Variants in FAAP100 observed in about 807,000 individuals in gnomAD.
FAAP100 encodes FA core complex associated protein 100.
In FAAP100, 46 loss-of-function variants were observed where a neutral mutation model predicts 65.8. The ratio of observed to expected loss-of-function variants is 0.70; its 90% CI spans 0.55 to 0.89. FAAP100 has a LOEUF of 0.89. FAAP100 is among the 40% of genes least tolerant of loss of function. The probability of loss-of-function intolerance (pLI) is 0.00; values close to 1 mark genes in which losing one functional copy is unlikely to be tolerated. For missense variants in FAAP100, 1,165 were observed against 1,196.7 expected, an observed-to-expected ratio of 0.97 and a Z score of 0.39; for synonymous variants, 663 against 555.1, an observed-to-expected ratio of 1.19 and a Z score of -2.73.
In FAAP100 at chr17:81,540,798, C is replaced by T; in HGVS notation, c.*21G>A. The stretch of plus-strand genomic sequence containing the variant: ...ACAGAGGCTGGAAGCGTGGCCAGAG[C>T]CCAGGGGCAGGCCCGCCTGGTCACA... On this transcript the variant is annotated 3_prime_UTR_variant, in exon 9 of 9. Transcript: ENST00000327787. 1 of 1,500,046 alleles carries T rather than the reference C, an allele frequency of 6.7e-7. No individual in the cohort carries two copies. The highest frequency in any genetic ancestry group is 8.9e-7 in the Non-Finnish European group (1 of 1,123,478). The allele number at this position is 1,500,046 out of a possible 1,614,324, so 92.9% of individuals were successfully genotyped here.
chr17:81,542,904 G>A (rs1020495403), intron 7 of FAAP100, among the ~76,000 whole-genome samples: 1 of 152,226 alleles, frequency 6.6e-6, no homozygotes, highest in Non-Finnish European at 1.5e-5. Context: ...AGTTTCCTCT[G>A]ACAGGCAACA....
chr17:81,541,266 G>T, intron 8 of FAAP100, 43 bp downstream of exon 8: 1 of 1,560,830 alleles, frequency 6.4e-7, no homozygotes, highest in Non-Finnish European at 8.8e-7. Context: ...GGCGCTCCTG[G>T]CTACCCAGGG....
intron 5 of FAAP100, chr17:81,546,349 G>A (rs866987992): frequency 1.2e-5 from 2 of 165,252 alleles, no homozygotes; most frequent in African/African-American, 2.4e-5. Context: ...GGGAGCAAAG[G>A]ACAGACACAA....
In FAAP100 at chr17:81,547,313, C is replaced by A. The variant is rs1222229024; in HGVS notation, c.1769G>T (p.Gly590Val). The change falls in exon 5 of 9, where the codon GGC becomes GTC. Residue 590 changes from glycine to valine, a missense_variant. Physicochemically the swap from Gly to Val is moderately radical, Grantham distance 109. Transcript: ENST00000327787. ...VTLPLGPGEN[G>V]GLDLPVTVSC... ...CACGGTCACGGGCAGGTCGAGCCCG[C>A]CGTTCTCACCAGGGCCCAGGGGTAG... The A allele has an allele frequency of 1.2e-6, 2 of 1,612,376 alleles. No individual in the cohort carries two copies. Among genetic ancestry groups the A allele is most frequent in the Non-Finnish European group, 1.7e-6 (2 of 1,179,794 alleles).
In FAAP100 at chr17:81,551,191, C is replaced by A; in HGVS notation, c.303G>T (p.Gln101His). The change falls in exon 3 of 9, where the codon CAG (glutamine) becomes CAT (histidine). Residue 101 changes from glutamine to histidine, a missense_variant. Physicochemically the swap from Gln to His is conservative, Grantham distance 24. Coordinates refer to ENST00000327787, the MANE Select transcript of FAAP100 (RefSeq NM_025161.6). ...DHPGRSRSTSQDDRDSEDGDQ... is the reference protein window; with the variant it reads ...DHPGRSRSTSHDDRDSEDGDQ... ...CACCGTCCTCGCTGTCCCTGTCATC[C>A]TGGCTCGTAGACCTTTGAGAACAGG... 1 of 1,523,998 alleles carries A rather than the reference C, an allele frequency of 6.6e-7. No homozygotes were observed. Among genetic ancestry groups the A allele is most frequent in the Non-Finnish European group, 8.9e-7 (1 of 1,129,308 alleles). 94.4% of individuals were successfully genotyped at this position (1,523,998 alleles called of 1,614,324 possible).
rs887024384 is a variant in FAAP100, at chr17:81,540,809, G to C, written c.*10C>G. 20 of 1,509,690 alleles carry C rather than the reference G, an allele frequency of 1.3e-5. No individual in the cohort carries two copies. Among genetic ancestry groups the C allele is most frequent in the Middle Eastern group, 3.8e-4 (2 of 5,256 alleles). The allele number at this position is 1,509,690 out of a possible 1,614,324, so 93.5% of individuals were successfully genotyped here. On this transcript the variant is annotated 3_prime_UTR_variant, in exon 9 of 9. Transcript: ENST00000327787. ...AAGCGTGGCCAGAGCCCAGGGGCAGGCCCGCCTGGTCACAGCAGGATGAGG... is the reference window on the plus strand; with the variant it reads ...AAGCGTGGCCAGAGCCCAGGGGCAGCCCCGCCTGGTCACAGCAGGATGAGG...
Position 81,552,262 on chromosome 17 carries a change from C to T in FAAP100, c.69G>A (p.Ala23=), listed in dbSNP as rs1217604197. The T allele has an allele frequency of 2.7e-6, 4 of 1,479,112 alleles. No homozygotes were observed. The East Asian group carries it at 8.9e-5, about 33-fold the overall frequency. The allele number at this position is 1,479,112 out of a possible 1,614,324, so 91.6% of individuals were successfully genotyped here. A position where few individuals can be genotyped will look rare whatever the true frequency, so the allele number is the denominator to read the frequency against. Residue 23 remains alanine (A), a synonymous_variant, in exon 1 of 9, where the codon GCG becomes GCA. Coordinates refer to ENST00000327787, the MANE Select transcript of FAAP100 (RefSeq NM_025161.6). The part of the protein sequence containing the change: ...GFCCPLGGLA[A]GKPRVLCHEA... Reference sequence around the variant, plus strand: ...CATGGCACAGCACGCGGGGCTTGCCCGCCGCCAGGCCCCCGAGAGGGCAGC... The same window carrying T: ...CATGGCACAGCACGCGGGGCTTGCCTGCCGCCAGGCCCCCGAGAGGGCAGC...
chr17:81,552,177 C>A lies in FAAP100; in HGVS notation c.154G>T (p.Gly52Trp). The A allele has an allele frequency of 5.3e-6, 8 of 1,496,350 alleles. No individual in the cohort carries two copies. Among genetic ancestry groups the A allele is most frequent in the Non-Finnish European group, 7.1e-6 (8 of 1,129,860 alleles). The allele number at this position is 1,496,350 out of a possible 1,614,324, so 92.7% of individuals were successfully genotyped here. ...ELVYVYDQEG[G>W]LLTAAFRFPD... ...GGGCCGGCGCTCACGGTCAGCAGCCCGCCCTCCTGGTCGTACACGTAGACG... is the reference window on the plus strand; with the variant it reads ...GGGCCGGCGCTCACGGTCAGCAGCCAGCCCTCCTGGTCGTACACGTAGACG... Residue 52 changes from glycine (G) to tryptophan (W), a missense_variant, in exon 1 of 9, where the codon GGG (glycine) becomes TGG (tryptophan). Gly to Trp is a radical substitution (Grantham distance 184, BLOSUM62 -2). Coordinates refer to ENST00000327787, the MANE Select transcript of FAAP100 (RefSeq NM_025161.6).
intron 8 of FAAP100, 32 bp from the exon 9 acceptor site, chr17:81,540,982 C>A: frequency 6.5e-7 from 1 of 1,541,836 alleles, no homozygotes; most frequent in Non-Finnish European, 8.7e-7. Context: ...CTCAGGCCCC[C>A]CACCTGGCCC....
At position 81,540,117 on chromosome 17, in the gene FAAP100, G is replaced by GT. The variant is rs1195122452; in HGVS notation, c.*701dup. ...GCCACCCTGAGTGGCCCTGAAAATA[G>GT]TGCACAGTGCTGGGTACTGCCCCGG... is the stretch of plus-strand genomic sequence containing the variant. On this transcript the variant is annotated 3_prime_UTR_variant, in exon 9 of 9. Transcript: ENST00000327787. 1 of 398,472 alleles carries GT rather than the reference G, an allele frequency of 2.5e-6. No individual in the cohort carries two copies. Among genetic ancestry groups the GT allele is most frequent in the Non-Finnish European group, 4.4e-6 (1 of 225,940 alleles). 24.7% of individuals were successfully genotyped at this position (398,472 alleles called of 1,614,324 possible).
chr17:81,542,321 G>A (rs1336196644), intron 7 of FAAP100, among the ~76,000 whole-genome samples: 1 of 150,508 alleles, frequency 6.6e-6, no homozygotes, highest in Admixed American at 6.6e-5. Context: ...GAGGCAGAGG[G>A]TGCGGTGAGC....
rs1470538985 is a variant in FAAP100, at chr17:81,550,219, C to T, written c.1246+29G>A. 4 of 1,549,832 alleles carry T rather than the reference C, an allele frequency of 2.6e-6. No homozygotes were observed. The African/African-American group carries it at 5.5e-5, about 21-fold the overall frequency. The stretch of plus-strand genomic sequence containing the variant: ...AAAAGGGTGCTCCACCCTGGGCTCC[C>T]ATCTTTCATTTTAGACAGCAGCTCA... On this transcript the variant is annotated intron_variant, in intron 3 of 8. Transcript: ENST00000327787.
At position 81,549,210 on chromosome 17, in the gene FAAP100, C is replaced by T. The variant is rs2033409446; in HGVS notation, c.1399G>A (p.Glu467Lys). 6.2e-7 allele frequency: 1 copy of T among 1,612,320 alleles called. No homozygotes were observed. The highest frequency in any genetic ancestry group is 8.5e-7 in the Non-Finnish European group (1 of 1,179,938). ...ELLSGIGNIS[E>K]RVSFLKKAVD... ...GGTCCGAGCTGAGCTGCTCACCTCT[C>T]AGAGATGTTGCCAATTCCAGACAGC... The change falls in exon 4 of 9, where the codon GAG becomes AAG. Residue 467 changes from glutamate (E) to lysine (K), a missense_variant. Glu to Lys is a moderately conservative substitution (Grantham distance 56, BLOSUM62 1). Coordinates refer to ENST00000327787, the MANE Select transcript of FAAP100 (RefSeq NM_025161.6).
chr17:81,551,958 C>A lies in FAAP100; in HGVS notation c.260G>T (p.Cys87Phe). The A allele has an allele frequency of 1.3e-6, 2 of 1,564,610 alleles. No individual in the cohort carries two copies. The highest frequency in any genetic ancestry group is 1.7e-6 in the Non-Finnish European group (2 of 1,164,352). ...YALCARRGLYCLSLDHPGRSR... is the reference protein window; with the variant it reads ...YALCARRGLYFLSLDHPGRSR... ...CCTGCCCGGGTGGTCCAGCGACAGG[C>A]AGTAGAGGCCCCTCCGGGCGCACAG... is the stretch of plus-strand genomic sequence containing the variant. Residue 87 changes from cysteine to phenylalanine, a missense_variant, in exon 2 of 9, where the codon TGC (cysteine) becomes TTC (phenylalanine). Cys to Phe is a radical substitution (Grantham distance 205). Transcript: ENST00000327787.
intron 7 of FAAP100, among the ~76,000 whole-genome samples, chr17:81,543,286 T>C (rs899227170): frequency 6.6e-6 from 1 of 152,086 alleles, no homozygotes; most frequent in African/African-American, 2.4e-5. Flanking sequence ...TGCACGTTGA[T>C]AACAAGCCCA....
chr17:81,540,050 A>G lies in FAAP100; in HGVS notation c.*769T>C. 1 of 393,676 alleles carries G rather than the reference A, an allele frequency of 2.5e-6. No homozygotes were observed. Among genetic ancestry groups the G allele is most frequent in the Non-Finnish European group, 4.5e-6 (1 of 224,604 alleles). 24.4% of individuals were successfully genotyped at this position (393,676 alleles called of 1,614,324 possible). On this transcript the variant is annotated 3_prime_UTR_variant, in exon 9 of 9. Transcript: ENST00000327787. Reference sequence around the variant, plus strand: ...GGGCCGTAGCCCAGGCTGAGGGAGGAGGCTGGGGGCTGGGGCTCAGGGCCC... The same window carrying G: ...GGGCCGTAGCCCAGGCTGAGGGAGGGGGCTGGGGGCTGGGGCTCAGGGCCC...
chr17:81,541,983 C>A (rs576230002), intron 7 of FAAP100, among the ~76,000 whole-genome samples: 96 of 151,582 alleles, frequency 6.3e-4, no homozygotes, highest in African/African-American at 2.2e-3. Flanking sequence ...CCGGCTAAAA[C>A]GGTGAAACCC....
At chr17:81,542,731 G>T (rs763406588) in intron 7 of FAAP100, among the ~76,000 whole-genome samples, 1 of 152,344 alleles carries the variant, frequency 6.6e-6, no homozygotes, top group Non-Finnish European at 1.5e-5. Flanking sequence ...GTCTGGAAAT[G>T]GGGTATCTGC....
In FAAP100 at chr17:81,552,348, C is replaced by A; in HGVS notation, c.-18G>T. On this transcript the variant is annotated 5_prime_UTR_variant, in exon 1 of 9. Coordinates refer to ENST00000327787, the MANE Select transcript of FAAP100 (RefSeq NM_025161.6). ...CCGGCCATCGTGCGCGCGGGCCCGT[C>A]AGAGTGAGAAGCCCCGGCCGCGCGG... is the stretch of plus-strand genomic sequence containing the variant. 7.4e-7 allele frequency: 1 copy of A among 1,354,618 alleles called. No homozygotes were observed. Among genetic ancestry groups the A allele is most frequent in the South Asian group, 1.9e-5 (1 of 53,704 alleles). 83.9% of individuals were successfully genotyped at this position (1,354,618 alleles called of 1,614,324 possible). A position where few individuals can be genotyped will look rare whatever the true frequency, so the allele number is the denominator to read the frequency against.
Sources: gnomAD v4.1 joint callset for allele counts (sites outside exome capture counted in the v4.1 genomes callset) on GRCh38, gnomAD v4.1.1 for gene constraint, MANE v1.5 for transcripts, NCBI Gene and HGNC (gene_info 2026-07-23, HGNC 2026-07-21) for gene names.